RORA: variants seen among roughly 807,000 people sequenced by gnomAD.
RORA encodes the protein RAR related orphan receptor A.
A neutral mutation model predicts 69.5 loss-of-function variants in RORA; 7 were observed. That is an observed-to-expected ratio of 0.10 (90% CI 0.06 to 0.19). The LOEUF is 0.19. Among genes scored for constraint, RORA ranks in the 10% least tolerant of loss-of-function variants. RORA has a pLI of 1.00. For synonymous variants in RORA, 261 were observed against 240.8 expected, an observed-to-expected ratio of 1.08 and a Z score of -0.78; for missense variants, 457 against 663.0, an observed-to-expected ratio of 0.69 and a Z score of 3.41.
At chr15:61,193,136 C>T (rs982682104) in intron 1 of RORA, among the ~76,000 whole-genome samples, 13 of 152,098 alleles carry the variant, frequency 8.5e-5, no homozygotes, top group African/African-American at 3.1e-4. Flanking sequence ...TTTACTTATC[C>T]CCGAACACAT....
At chr15:61,173,644 T>A (rs1261147701) in intron 1 of RORA, among the ~76,000 whole-genome samples, 1 of 152,160 alleles carries the variant, frequency 6.6e-6, no homozygotes, top group Admixed American at 6.5e-5. Flanking sequence ...AAATACGGAA[T>A]GACATTCAAG....
chr15:60,650,391 A>C (rs1035416246), intron 2 of RORA, among the ~76,000 whole-genome samples: 6 of 152,110 alleles, frequency 3.9e-5, no homozygotes, highest in African/African-American at 1.4e-4. Flanking sequence ...GGGCATTCCA[A>C]CTTCAGGTTA....
At chr15:60,929,111 C>T (rs1361417686) in intron 1 of RORA, among the ~76,000 whole-genome samples, 1 of 152,094 alleles carries the variant, frequency 6.6e-6, no homozygotes, top group African/African-American at 2.4e-5. Context: ...GTCTACAAGG[C>T]CCCTTTTTGG....
At chr15:60,765,496 G>C (rs2071974877) in intron 1 of RORA, 1 of 152,142 alleles carries the variant, frequency 6.6e-6, no homozygotes, top group African/African-American at 2.4e-5. Flanking sequence ...GTCGGGTCTT[G>C]TGTAAGATTC....
intron 2 of RORA, among the ~76,000 whole-genome samples, chr15:60,624,471 C>T (rs867966990): frequency 1.4e-4 from 10 of 73,540 alleles, no homozygotes; most frequent in South Asian, 4.7e-4. Context: ...CCATTTGCTG[C>T]ATATATATAT....
At chr15:60,540,563 G>C (rs1184974370) in intron 2 of RORA, among the ~76,000 whole-genome samples, 1 of 31,692 alleles carries the variant, frequency 3.2e-5, no homozygotes, top group Admixed American at 4.2e-4. Context: ...CAATTTCCAT[G>C]ACCCCCCCCC....
rs913547705 is a variant in RORA, at chr15:60,813,383, G to A, written c.167-134697C>T. The stretch of plus-strand genomic sequence containing the variant: ...TTGAGTGCTCACGGTTGTGCATGAC[G>A]GGCTGTGTTTGCTCACGTCCCACGA... On this transcript the variant is annotated intron_variant, in intron 1 of 10. Transcript: ENST00000335670. Among the ~76,000 whole-genome samples the A allele has an allele frequency of 5.3e-5, 8 of 152,182 alleles. 1 individual carries two copies. Among genetic ancestry groups the A allele is most frequent in the African/African-American group, 1.2e-4 (5 of 41,446 alleles).
At chr15:60,832,236 T>C (rs1468672054) in intron 1 of RORA, among the ~76,000 whole-genome samples, 2 of 152,162 alleles carry the variant, frequency 1.3e-5, no homozygotes, top group Admixed American at 6.5e-5. Flanking sequence ...GGTGGGGCCC[T>C]AGAATGAGGC....
intron 1 of RORA, among the ~76,000 whole-genome samples, chr15:61,016,755 G>A (rs533984706): frequency 1.1e-3 from 170 of 152,208 alleles, no homozygotes; most frequent in African/African-American, 3.9e-3. Context: ...CAAGTCACTG[G>A]GCAATTAGAA....
chr15:60,676,074 T>C (rs1313307166), intron 2 of RORA, among the ~76,000 whole-genome samples: 1 of 152,084 alleles, frequency 6.6e-6, no homozygotes, highest in Non-Finnish European at 1.5e-5. Flanking sequence ...GAAGAACAGA[T>C]GTCAAGATGA....
chr15:60,806,574 G>T (rs116692455), intron 1 of RORA, among the ~76,000 whole-genome samples: 6,973 of 152,248 alleles, frequency 0.046, 217 homozygotes, highest in Admixed American at 0.086. Context: ...GGATCTATAA[G>T]ACTTGGTAGT....
At chr15:60,549,894 T>C (rs1262394101) in intron 2 of RORA, among the ~76,000 whole-genome samples, 2 of 152,236 alleles carry the variant, frequency 1.3e-5, no homozygotes, top group Non-Finnish European at 2.9e-5. Flanking sequence ...TCAACTGAAT[T>C]GTAAGGACAA....
intron 1 of RORA, among the ~76,000 whole-genome samples, chr15:60,846,421 G>A (rs1475440116): frequency 1.3e-5 from 2 of 152,052 alleles, no homozygotes; most frequent in African/African-American, 2.4e-5. Context: ...ACACTATCAC[G>A]TCCTTATAAT....
chr15:60,648,399 C>G (rs568614089), intron 2 of RORA, among the ~76,000 whole-genome samples: 1 of 152,296 alleles, frequency 6.6e-6, no homozygotes, highest in African/African-American at 2.4e-5. Context: ...ACCTTAGGTG[C>G]CCGTAGATCA....
intron 1 of RORA, among the ~76,000 whole-genome samples, chr15:60,822,641 G>A (rs1015356098): frequency 6.6e-6 from 1 of 152,186 alleles, no homozygotes; most frequent in African/African-American, 2.4e-5. Context: ...CATCTGGGTG[G>A]TGAAGCACCC....
rs2072367395 is a variant in RORA at position 60,788,282 on chromosome 15, C to G, written c.167-109596G>C. Among the ~76,000 whole-genome samples, 5 of 152,148 alleles carry G rather than the reference C, an allele frequency of 3.3e-5. No individual in the cohort carries two copies. In the South Asian group the frequency reaches 1.0e-3, roughly 32 times the overall value. ...ATGATGCACAAGACACATCTCTGAC[C>G]TCAAGGAGCACACAGTCGAGTGGGG... is the stretch of plus-strand genomic sequence containing the variant. On this transcript the variant is annotated intron_variant, in intron 1 of 10. Coordinates refer to ENST00000335670, the MANE Select transcript of RORA (RefSeq NM_134261.3).
intron 1 of RORA, among the ~76,000 whole-genome samples, chr15:60,915,967 A>G (rs1424356259): frequency 2.6e-5 from 4 of 152,250 alleles, no homozygotes; most frequent in African/African-American, 9.6e-5. Flanking sequence ...GCTATTAGAA[A>G]AAGTTCATAA....
chr15:61,195,898 G>A (rs1445470635), intron 1 of RORA: 1 of 152,222 alleles, frequency 6.6e-6, no homozygotes, highest in Non-Finnish European at 1.5e-5. Context: ...AGTGTCAAAA[G>A]GGACGAAATG....
chr15:60,567,869 C>T (rs184217299), intron 2 of RORA, among the ~76,000 whole-genome samples: 59 of 151,828 alleles, frequency 3.9e-4, no homozygotes, highest in African/African-American at 1.4e-3. Flanking sequence ...TGAAGTTATA[C>T]GGTGTTAAAT....
Sources: allele counts gnomAD v4.1 joint callset (sites outside exome capture counted in the v4.1 genomes callset), GRCh38; gene constraint gnomAD v4.1.1; transcripts MANE v1.5; gene names NCBI Gene and HGNC (gene_info 2026-07-23, HGNC 2026-07-21).